Variants in PPTC7 observed in about 807,000 individuals in gnomAD.
PPTC7 encodes protein phosphatase targeting COQ7, also known as protein phosphatase PTC7 homolog.
A neutral mutation model predicts 30.8 loss-of-function variants in PPTC7; 6 were observed. That is an observed-to-expected ratio of 0.19 (90% CI 0.11 to 0.38). The LOEUF is 0.38. PPTC7 is among the 10% of genes least tolerant of loss of function. The pLI is 1.00. For missense variants in PPTC7, 218 were observed against 404.8 expected (o/e 0.54, Z 3.96); for synonymous variants, 163 against 168.1 (o/e 0.97, Z 0.23).
intron 3 of PPTC7, among the ~76,000 whole-genome samples, chr12:110,541,700 C>CAAAA (rs748911395): frequency 2.0e-4 from 13 of 66,438 alleles, no homozygotes; most frequent in African/African-American, 2.9e-4. Flanking sequence ...AACTCCGTCT[C>CAAAA]AAAAAAAAAA....
At chr12:110,572,678 T>C (rs1261726563) in intron 1 of PPTC7, among the ~76,000 whole-genome samples, 1 of 152,136 alleles carries the variant, frequency 6.6e-6, no homozygotes, top group Non-Finnish European at 1.5e-5. Flanking sequence ...TTAGGATTCA[T>C]ACCAACAATT....
Position 110,536,808 on chromosome 12 carries a change from A to C in PPTC7, c.*229T>G, listed in dbSNP as rs2064221696. The C allele has an allele frequency of 2.1e-6, 1 of 467,606 alleles. No homozygotes were observed. Among genetic ancestry groups the C allele is most frequent in the Non-Finnish European group, 3.8e-6 (1 of 265,884 alleles). The allele number at this position is 467,606 out of a possible 1,614,324, so 29.0% of individuals were successfully genotyped here. On this transcript the variant is annotated 3_prime_UTR_variant, in exon 6 of 6. Coordinates refer to ENST00000354300, the MANE Select transcript of PPTC7 (RefSeq NM_139283.2). Reference sequence around the variant, plus strand: ...GAAAGAACATCGAGAAATGAAGGCCAATCTTCAAATATTGGATCTCTTCAA... The same window carrying C: ...GAAAGAACATCGAGAAATGAAGGCCCATCTTCAAATATTGGATCTCTTCAA...
At position 110,533,426 on chromosome 12, in the gene PPTC7, A is replaced by C. The variant is rs1317441640; in HGVS notation, c.*3611T>G. On this transcript the variant is annotated 3_prime_UTR_variant, in exon 6 of 6. Coordinates refer to ENST00000354300, the MANE Select transcript of PPTC7 (RefSeq NM_139283.2). Reference sequence around the variant, plus strand: ...GCTCATTAGTATACACACAGATTCTAATTTGCTTCATTATTTAGCCATCTT... The same window carrying C: ...GCTCATTAGTATACACACAGATTCTCATTTGCTTCATTATTTAGCCATCTT... The C allele has an allele frequency of 6.6e-6, 1 of 152,204 alleles. No homozygotes were observed. The highest frequency in any genetic ancestry group is 2.4e-5 in the African/African-American group (1 of 41,448). 9.4% of individuals were successfully genotyped at this position (152,204 alleles called of 1,614,324 possible). A position where few individuals can be genotyped will look rare whatever the true frequency, so the allele number is the denominator to read the frequency against.
chr12:110,552,836 C>G (rs2064358884), intron 1 of PPTC7, among the ~76,000 whole-genome samples: 1 of 152,122 alleles, frequency 6.6e-6, no homozygotes, highest in African/African-American at 2.4e-5. Context: ...TTCACTCCAG[C>G]CTGGGCAATG....
rs910493717 is a variant in PPTC7, at chr12:110,580,674, T to A, written c.223+2135A>T. Among the ~76,000 whole-genome samples the A allele has an allele frequency of 2.0e-5, 3 of 152,218 alleles. No homozygotes were observed. The East Asian group carries it at 5.8e-4, about 29-fold the overall frequency. On this transcript the variant is annotated intron_variant, in intron 1 of 5. Transcript: ENST00000354300. ...AAAATTTTAAAATCAAGCTTCCATATAGAATTTGATACATTTAAATACTCC... is the reference window on the plus strand; with the variant it reads ...AAAATTTTAAAATCAAGCTTCCATAAAGAATTTGATACATTTAAATACTCC...
rs1191862606 is a variant in PPTC7, at chr12:110,547,847, G to A, written c.404-1769C>T. The stretch of plus-strand genomic sequence containing the variant: ...AGTTCAGGCGTGGTGGGTCATGCCT[G>A]TAATCCCAGCACTTTGAGAGGCTGA... On this transcript the variant is annotated intron_variant, in intron 2 of 5. Transcript: ENST00000354300. 1.5e-4 allele frequency among the ~76,000 whole-genome samples: 23 copies of A among 152,286 alleles called. 1 individual carries two copies. Among genetic ancestry groups the A allele is most frequent in the Admixed American group, 1.4e-3 (21 of 15,294 alleles).
rs1168111299 is a variant in PPTC7 at position 110,535,498 on chromosome 12, A to C, written c.*1539T>G. On this transcript the variant is annotated 3_prime_UTR_variant, in exon 6 of 6. Transcript: ENST00000354300. Reference sequence around the variant, plus strand: ...ATATACAGTACAAATTCACAAAACAAAATCTTTTAAAACAAGTTGAGGTAA... The same window carrying C: ...ATATACAGTACAAATTCACAAAACACAATCTTTTAAAACAAGTTGAGGTAA... 1 of 152,650 alleles carries C rather than the reference A, an allele frequency of 6.6e-6. No homozygotes were observed. Among genetic ancestry groups the C allele is most frequent in the Non-Finnish European group, 1.5e-5 (1 of 68,038 alleles). The allele number at this position is 152,650 out of a possible 1,614,324, so 9.5% of individuals were successfully genotyped here.
At chr12:110,579,773 G>C (rs2064621016) in intron 1 of PPTC7, among the ~76,000 whole-genome samples, 1 of 152,188 alleles carries the variant, frequency 6.6e-6, no homozygotes. Flanking sequence ...AGCAGTTTGG[G>C]AGGCCGAGGC....
At chr12:110,551,491 C>A (rs934831222) in intron 2 of PPTC7, among the ~76,000 whole-genome samples, 4 of 152,174 alleles carry the variant, frequency 2.6e-5, no homozygotes, top group Admixed American at 6.5e-5. Context: ...GGATTACAGG[C>A]ATGCGCCACC....
At chr12:110,552,623 G>C (rs962034287) in intron 1 of PPTC7, among the ~76,000 whole-genome samples, 2 of 152,252 alleles carry the variant, frequency 1.3e-5, no homozygotes, top group Admixed American at 1.3e-4. Flanking sequence ...CCAGCACTCT[G>C]GGAGGCCGAG....
Position 110,551,831 on chromosome 12 carries a change from T to C in PPTC7, c.361A>G (p.Thr121Ala). 1 of 1,614,204 alleles carries C rather than the reference T, an allele frequency of 6.2e-7. No homozygotes were observed. The highest frequency in any genetic ancestry group is 8.5e-7 in the Non-Finnish European group (1 of 1,180,014). Reference sequence around the variant, plus strand: ...TTTTGCAGCAACTCACAGTAGCTTGTGGTGAGAATTCCAATGGGATTACTA... The same window carrying C: ...TTTTGCAGCAACTCACAGTAGCTTGCGGTGAGAATTCCAATGGGATTACTA... ...VPSNPIGILTTSYCELLQNKV... is the reference protein window; with the variant it reads ...VPSNPIGILTASYCELLQNKV... Residue 121 changes from threonine to alanine, a missense_variant, in exon 2 of 6, where the codon ACA becomes GCA. Coordinates refer to ENST00000354300, the MANE Select transcript of PPTC7 (RefSeq NM_139283.2).
chr12:110,544,865 T>A (rs2064292672), intron 3 of PPTC7, among the ~76,000 whole-genome samples: 1 of 152,098 alleles, frequency 6.6e-6, no homozygotes, highest in Non-Finnish European at 1.5e-5. Context: ...AGCAGCATCT[T>A]GGAACGTTCT....
chr12:110,572,849 T>A (rs1312407495), intron 1 of PPTC7, among the ~76,000 whole-genome samples: 1 of 152,034 alleles, frequency 6.6e-6, no homozygotes, highest in Non-Finnish European at 1.5e-5. Flanking sequence ...CTGGAGGACC[T>A]ATCGTAATCT....
intron 1 of PPTC7, among the ~76,000 whole-genome samples, chr12:110,559,709 G>C (rs1376907251): frequency 2.1e-5 from 3 of 142,642 alleles, no homozygotes; most frequent in African/African-American, 7.8e-5. Flanking sequence ...CTGGGCGACA[G>C]AGCAAGACTC....
intron 1 of PPTC7, among the ~76,000 whole-genome samples, chr12:110,572,869 TTTTA>T (rs147429249): frequency 7.4e-4 from 113 of 151,884 alleles, no homozygotes; most frequent in African/African-American, 2.4e-3. Context: ...TTTTTTAAGT[TTTTA>T]TTTATTTATT....
At chr12:110,543,232 C>T (rs1156401941) in intron 3 of PPTC7, among the ~76,000 whole-genome samples, 1 of 152,202 alleles carries the variant, frequency 6.6e-6, no homozygotes, top group Non-Finnish European at 1.5e-5. Flanking sequence ...CAGAAAATTT[C>T]TGGTTCATCT....
chr12:110,565,315 G>A (rs2064474461), intron 1 of PPTC7, among the ~76,000 whole-genome samples: 1 of 151,774 alleles, frequency 6.6e-6, no homozygotes. Context: ...GGAGTGCAGT[G>A]GCATGAACTT....
intron 3 of PPTC7, among the ~76,000 whole-genome samples, chr12:110,545,216 C>T (rs1268226770): frequency 6.6e-6 from 1 of 152,192 alleles, no homozygotes; most frequent in Non-Finnish European, 1.5e-5. Flanking sequence ...CCTCAGCCTC[C>T]TGAGTAGCTG....
intron 5 of PPTC7, among the ~76,000 whole-genome samples, 194 bp from the exon 6 acceptor site, chr12:110,537,289 G>GA (rs2064225862): frequency 6.6e-6 from 1 of 151,604 alleles, no homozygotes; most frequent in African/African-American, 2.4e-5. Context: ...GAAATTACAT[G>GA]AAACTGAAGC....
Sources: gnomAD v4.1 joint callset for allele counts (sites outside exome capture counted in the v4.1 genomes callset) on GRCh38, gnomAD v4.1.1 for gene constraint, MANE v1.5 for transcripts, NCBI Gene and HGNC (gene_info 2026-07-23, HGNC 2026-07-21) for gene names.